The following DLGAP4 variants were observed in gnomAD, a reference collection of about 807,000 sequenced individuals.
DLGAP4 encodes disks large-associated protein 4.
A neutral mutation model predicts 86.9 loss-of-function variants in DLGAP4; 18 were observed. That is an observed-to-expected ratio of 0.21 (90% CI 0.14 to 0.31). The LOEUF (loss-of-function observed/expected upper bound fraction) is 0.31, where lower values mean the gene tolerates loss of function less well. DLGAP4 is among the 10% of genes least tolerant of loss of function. DLGAP4 has a pLI of 1.00. For missense variants in DLGAP4, 1,085 were observed against 1,362.6 expected (o/e 0.80, Z 3.21); for synonymous variants, 548 against 574.3 (o/e 0.95, Z 0.65).
At chr20:36,314,878 T>G (rs1411106233) in intron 1 of DLGAP4, among the ~76,000 whole-genome samples, 1 of 140,584 alleles carries the variant, frequency 7.1e-6, no homozygotes, top group Admixed American at 7.0e-5. Context: ...GTATGTGGTG[T>G]GTGTGGTGTG....
chr20:36,468,311 C>T (rs937815437), intron 7 of DLGAP4, among the ~76,000 whole-genome samples: 5 of 152,364 alleles, frequency 3.3e-5, no homozygotes, highest in Admixed American at 2.0e-4. Flanking sequence ...CAGTCACCCA[C>T]AAAGGCGGGA....
At chr20:36,508,520 G>C (rs550951845) in intron 10 of DLGAP4, among the ~76,000 whole-genome samples, 2 of 144,868 alleles carry the variant, frequency 1.4e-5, no homozygotes, top group African/African-American at 5.2e-5. Flanking sequence ...TCCACCTCCC[G>C]GGTTCAAGCA....
intron 7 of DLGAP4, among the ~76,000 whole-genome samples, chr20:36,490,282 TGACCTAG>T (rs2035603732): frequency 6.6e-6 from 1 of 152,216 alleles, no homozygotes; most frequent in Non-Finnish European, 1.5e-5. Context: ...TCCCTGATCC[TGACCTAG>T]CTGCTTGGAA....
At chr20:36,455,108 C>T (rs1385715453) in intron 7 of DLGAP4, among the ~76,000 whole-genome samples, 1 of 152,078 alleles carries the variant, frequency 6.6e-6, no homozygotes, top group Admixed American at 6.6e-5. Context: ...TCTCTCTATG[C>T]CTCTGAGAAA....
At chr20:36,319,899 A>G (rs2065148127) in intron 1 of DLGAP4, among the ~76,000 whole-genome samples, 1 of 152,010 alleles carries the variant, frequency 6.6e-6, no homozygotes, top group Admixed American at 6.5e-5. Flanking sequence ...TGTCACAGCA[A>G]GGTAGCGGGG....
At chr20:36,320,275 A>G (rs1555890403) in intron 1 of DLGAP4, among the ~76,000 whole-genome samples, 1 of 136,384 alleles carries the variant, frequency 7.3e-6, no homozygotes, top group Non-Finnish European at 1.6e-5. Flanking sequence ...CCCCTCCTCT[A>G]AGCCCTCCTC....
chr20:36,395,272 T>C (rs2425248), intron 2 of DLGAP4, among the ~76,000 whole-genome samples: 129,586 of 152,208 alleles, frequency 0.85, 55,773 homozygotes, highest in East Asian at 1. Context: ...CATGACATTA[T>C]ATTATATATT....
At chr20:36,311,234 G>GGC (rs1488382748) in intron 1 of DLGAP4, among the ~76,000 whole-genome samples, 17 of 120,180 alleles carry the variant, frequency 1.4e-4, no homozygotes, top group African/African-American at 1.0e-3. Flanking sequence ...CTCGGAGGGT[G>GGC]GGGGGGGTGG....
In DLGAP4 at chr20:36,416,364, C is replaced by G. The variant is rs532573931; in HGVS notation, c.-72-15282C>G. Among the ~76,000 whole-genome samples the G allele has an allele frequency of 3.3e-5, 5 of 152,356 alleles. No homozygotes were observed. The South Asian group carries it at 1.0e-3, about 32-fold the overall frequency. ...CTCGAACTCCTGACCTCAAGAGACC[C>G]ACCTGCCTTGGCCTCCCAAAGTACT... On this transcript the variant is annotated intron_variant, in intron 2 of 12. Transcript: ENST00000339266.
intron 10 of DLGAP4, among the ~76,000 whole-genome samples, chr20:36,516,822 G>A (rs978561933): frequency 5.3e-5 from 8 of 151,994 alleles, no homozygotes; most frequent in African/African-American, 1.9e-4. Flanking sequence ...TGGGCGTAGT[G>A]GCTTATGCCT....
chr20:36,426,308 A>G (rs1006928618), intron 2 of DLGAP4, among the ~76,000 whole-genome samples: 1 of 152,204 alleles, frequency 6.6e-6, no homozygotes, highest in Admixed American at 6.5e-5. Context: ...TGAAGTCAAG[A>G]GTTCAAGACC....
intron 7 of DLGAP4, among the ~76,000 whole-genome samples, chr20:36,471,217 G>T (rs760921893): frequency 7.9e-5 from 12 of 152,162 alleles, no homozygotes; most frequent in Non-Finnish European, 1.5e-4. Context: ...TGCCGGGCGC[G>T]ATGGCTCATG....
chr20:36,410,179 TG>T (rs1036567975), intron 2 of DLGAP4, among the ~76,000 whole-genome samples: 29 of 152,222 alleles, frequency 1.9e-4, no homozygotes, highest in Admixed American at 1.4e-3. Flanking sequence ...AGCTGCATAC[TG>T]TAGCAGATGC....
intron 1 of DLGAP4, among the ~76,000 whole-genome samples, chr20:36,327,368 T>C (rs1157233930): frequency 6.6e-6 from 1 of 152,094 alleles, no homozygotes; most frequent in East Asian, 1.9e-4. Context: ...GTTTTCTTCA[T>C]ATTTTTTGTC....
chr20:36,381,451 G>T (rs1429615291), intron 2 of DLGAP4, among the ~76,000 whole-genome samples: 2 of 152,236 alleles, frequency 1.3e-5, no homozygotes, highest in African/African-American at 4.8e-5. Context: ...ATACCCACTA[G>T]TGGCCTACCA....
chr20:36,327,714 C>T (rs1418886373), intron 1 of DLGAP4, among the ~76,000 whole-genome samples: 1 of 147,064 alleles, frequency 6.8e-6, no homozygotes, highest in Non-Finnish European at 1.5e-5. Flanking sequence ...GCCTCAGCCT[C>T]CCAAGTAGCT....
intron 9 of DLGAP4, 54 bp downstream of exon 9, chr20:36,499,730 C>T: frequency 2.7e-6 from 4 of 1,463,454 alleles, no homozygotes; most frequent in Non-Finnish European, 3.8e-6. Flanking sequence ...CCTCCCTCCG[C>T]TCTCACCTCT....
rs368419704 is a variant in DLGAP4 at position 36,463,559 on chromosome 20, T to G, written c.1648+16622T>G. 6.6e-5 allele frequency among the ~76,000 whole-genome samples: 10 copies of G among 152,336 alleles called. No homozygotes were observed. In the South Asian group the frequency reaches 8.3e-4, roughly 13 times the overall value. On this transcript the variant is annotated intron_variant, in intron 7 of 12. Transcript: ENST00000339266. ...AGCAGGGAGACGGCTGTTTCTTAAT[T>G]CAGGCCCCAATCCTGCTTGTTCTTT...
At chr20:36,505,177 C>T (rs750613738) in intron 10 of DLGAP4, among the ~76,000 whole-genome samples, 10 of 151,832 alleles carry the variant, frequency 6.6e-5, no homozygotes, top group Non-Finnish European at 1.3e-4. Context: ...TTAGTAGAGA[C>T]GGGGTTTCAC....
Sources: gnomAD v4.1 joint callset for allele counts (sites outside exome capture counted in the v4.1 genomes callset) on GRCh38, gnomAD v4.1.1 for gene constraint, MANE v1.5 for transcripts, NCBI Gene and HGNC (gene_info 2026-07-23, HGNC 2026-07-21) for gene names.